Variants in EIF2B3 observed in about 807,000 individuals in gnomAD.
EIF2B3 encodes eukaryotic translation initiation factor 2B subunit gamma.
A neutral mutation model predicts 54.1 loss-of-function variants in EIF2B3; 20 were observed. That is an observed-to-expected ratio of 0.37 (90% confidence interval 0.26 to 0.54). EIF2B3 has a LOEUF of 0.54. Among genes scored for constraint, EIF2B3 ranks in the 20% least tolerant of loss-of-function variants. The pLI is 0.86. For synonymous variants in EIF2B3, 153 were observed against 188.1 expected (o/e 0.81, Z 1.52); for missense variants, 448 against 547.8 (o/e 0.82, Z 1.82).
At position 44,879,968 on chromosome 1, in the gene EIF2B3, C is replaced by G; in HGVS notation, c.825G>C (p.Leu275=). 1 of 1,614,208 alleles carries G rather than the reference C, an allele frequency of 6.2e-7. No homozygotes were observed. The highest frequency in any genetic ancestry group is 8.5e-7 in the Non-Finnish European group (1 of 1,180,024). The change falls in exon 8 of 12, where the codon CTG becomes CTC. Residue 275 remains leucine, a synonymous_variant. Coordinates refer to ENST00000360403, the MANE Select transcript of EIF2B3 (RefSeq NM_020365.5). ...SFIKEANTLN[L]APYDACWNAC... is the part of the protein sequence containing the mutation. ...CATTCCAGCAGGCATCATAGGGAGC[C>G]AGGTTCAGTGTATTGGCTTCTTTTA...
chr1:44,858,415 A>C (rs1654504009), intron 10 of EIF2B3, among the ~76,000 whole-genome samples: 1 of 152,040 alleles, frequency 6.6e-6, no homozygotes, highest in Admixed American at 6.6e-5. Flanking sequence ...CTCTGGAAAC[A>C]ATGGGCTCCC....
intron 4 of EIF2B3, among the ~76,000 whole-genome samples, chr1:44,938,503 T>C (rs79672163): frequency 7.2e-6 from 1 of 139,780 alleles, no homozygotes; most frequent in Non-Finnish European, 1.5e-5. Context: ...TCTCTCTCTG[T>C]TTTTTTTTGG....
intron 3 of EIF2B3, among the ~76,000 whole-genome samples, chr1:44,963,159 G>A (rs1644302720): frequency 6.6e-6 from 1 of 151,586 alleles, no homozygotes; most frequent in Non-Finnish European, 1.5e-5. Context: ...AGGTTGCAGT[G>A]AGCTGAGATC....
chr1:44,936,473 C>G (rs1024013710), intron 4 of EIF2B3, among the ~76,000 whole-genome samples: 3 of 151,382 alleles, frequency 2.0e-5, no homozygotes, highest in Admixed American at 6.6e-5. Context: ...CGCCTGTAAA[C>G]CCACCTACTC....
chr1:44,857,428 G>A (rs1229463607), intron 11 of EIF2B3, among the ~76,000 whole-genome samples: 1 of 151,968 alleles, frequency 6.6e-6, no homozygotes, highest in Non-Finnish European at 1.5e-5. Context: ...CGACTCAGGA[G>A]ACTGAGGCAG....
intron 3 of EIF2B3, among the ~76,000 whole-genome samples, chr1:44,944,063 G>C (rs1644069068): frequency 6.6e-6 from 1 of 151,942 alleles, no homozygotes; most frequent in Non-Finnish European, 1.5e-5. Context: ...AGAATTGCTT[G>C]AACCCAGGAG....
chr1:44,895,784 T>C (rs904188336), intron 6 of EIF2B3, among the ~76,000 whole-genome samples: 24 of 152,282 alleles, frequency 1.6e-4, no homozygotes, highest in African/African-American at 5.5e-4. Context: ...GATGGATACA[T>C]GGGAGTTCAT....
At chr1:44,924,181 C>T (rs1246118314) in intron 5 of EIF2B3, among the ~76,000 whole-genome samples, 1 of 152,012 alleles carries the variant, frequency 6.6e-6, no homozygotes, top group Non-Finnish European at 1.5e-5. Context: ...ACCTCGTGAT[C>T]CCCCCGCCTA....
Position 44,930,795 on chromosome 1 carries a change from C to T in EIF2B3, c.455-4056G>A, listed in dbSNP as rs141593088. On this transcript the variant is annotated intron_variant, in intron 4 of 11. Coordinates refer to ENST00000360403, the MANE Select transcript of EIF2B3 (RefSeq NM_020365.5). ...AGCTGGGACCACAGGCATGTGCTAC[C>T]ATGTCCAGCTAATTTTTGTATTTTT... Among the ~76,000 whole-genome samples, 145 of 152,308 alleles carry T rather than the reference C, an allele frequency of 9.5e-4. 1 individual carries two copies. Among genetic ancestry groups the T allele is most frequent in the African/African-American group, 3.4e-3 (140 of 41,572 alleles).
intron 5 of EIF2B3, among the ~76,000 whole-genome samples, chr1:44,904,074 T>C (rs941744953): frequency 3.3e-5 from 5 of 151,934 alleles, no homozygotes; most frequent in Admixed American, 3.3e-4. Context: ...AGACTCCATC[T>C]CAAAAAAACA....
At chr1:44,876,479 G>A (rs1297141146) in intron 8 of EIF2B3, among the ~76,000 whole-genome samples, 5 of 127,904 alleles carry the variant, frequency 3.9e-5, no homozygotes, top group African/African-American at 9.1e-5. Flanking sequence ...CAGCCGCCCC[G>A]TCTGAGAAGT....
intron 10 of EIF2B3, among the ~76,000 whole-genome samples, chr1:44,874,097 C>T (rs772495612): frequency 1.1e-4 from 16 of 150,118 alleles, no homozygotes; most frequent in East Asian, 1.9e-4. Flanking sequence ...TCAAAAGTTT[C>T]GGATTTTGGA....
Position 44,910,236 on chromosome 1 carries a change from TA to T in EIF2B3, c.567-12793del, listed in dbSNP as rs376953412. Among the ~76,000 whole-genome samples, 717 of 152,290 alleles carry T rather than the reference TA, an allele frequency of 4.7e-3. 2 individuals carry two copies. The highest frequency in any genetic ancestry group is 7.7e-3 in the East Asian group (40 of 5,180). On this transcript the variant is annotated intron_variant, in intron 5 of 11. Transcript: ENST00000360403. ...TTTTAGAGCTGGAGGGGGGTTTCTT[TA>T]AAGACCAACTAAGCCAATTTCAGCT... is the stretch of plus-strand genomic sequence containing the variant.
At chr1:44,941,376 T>C in intron 4 of EIF2B3, 130 bp downstream of exon 4, 1 of 1,093,596 alleles carries the variant, frequency 9.1e-7, no homozygotes, top group Non-Finnish European at 1.3e-6. Flanking sequence ...TTTGACTTTA[T>C]GTCATCAACT....
chr1:44,902,503 T>C (rs971042762), intron 5 of EIF2B3, among the ~76,000 whole-genome samples: 1 of 150,862 alleles, frequency 6.6e-6, no homozygotes, highest in Non-Finnish European at 1.5e-5. Flanking sequence ...CTCATAATAA[T>C]TAAAAAAAAG....
chr1:44,890,460 T>C (rs1265334106), intron 6 of EIF2B3, among the ~76,000 whole-genome samples: 1 of 152,134 alleles, frequency 6.6e-6, no homozygotes, highest in Non-Finnish European at 1.5e-5. Flanking sequence ...TTGAAAAAAA[T>C]AAAAACTGTA....
At chr1:44,920,205 T>C (rs1408285070) in intron 5 of EIF2B3, among the ~76,000 whole-genome samples, 3 of 152,028 alleles carry the variant, frequency 2.0e-5, no homozygotes, top group Non-Finnish European at 4.4e-5. Flanking sequence ...TTTGGTGCTA[T>C]ATAAACTCTA....
intron 3 of EIF2B3, among the ~76,000 whole-genome samples, chr1:44,942,419 T>TATATATACA (rs1557697171): frequency 3.6e-5 from 1 of 27,740 alleles, no homozygotes; most frequent in African/African-American, 2.0e-4. Flanking sequence ...ATATATATAT[T>TATATATACA]TTTTTTTTTT....
Position 44,874,800 on chromosome 1 carries a change from T to C in EIF2B3, c.1080A>G (p.Pro360=), listed in dbSNP as rs1655069171. Residue 360 remains proline, a synonymous_variant, in exon 10 of 12, where the codon CCA becomes CCG. Coordinates refer to ENST00000360403, the MANE Select transcript of EIF2B3 (RefSeq NM_020365.5). ...HLVGVDSLIG[P]ETQIGEKSSI... ...ATGACTTCTCTCCAATCTGTGTCTC[T>C]GGCCCAATGAGGCTGTCAACTCCAA... The C allele has an allele frequency of 6.2e-7, 1 of 1,614,182 alleles. No individual in the cohort carries two copies. Among genetic ancestry groups the C allele is most frequent in the South Asian group, 1.1e-5 (1 of 91,076 alleles).
Sources: gnomAD v4.1 joint callset for allele counts (sites outside exome capture counted in the v4.1 genomes callset) on GRCh38, gnomAD v4.1.1 for gene constraint, MANE v1.5 for transcripts, NCBI Gene and HGNC (gene_info 2026-07-23, HGNC 2026-07-21) for gene names.